The following TENM3 variants were observed in gnomAD, a reference collection of about 807,000 sequenced individuals.
TENM3 encodes the protein teneurin-3.
A neutral mutation model predicts 255.1 loss-of-function variants in TENM3; 63 were observed. That is an observed-to-expected ratio of 0.25 (90% CI 0.20 to 0.30). The LOEUF (loss-of-function observed/expected upper bound fraction) is 0.30. TENM3 is among the 10% of genes least tolerant of loss of function. The probability of loss-of-function intolerance (pLI) is 1.00; values close to 1 mark genes in which losing one functional copy is unlikely to be tolerated. For missense variants in TENM3, 2,929 were observed against 3,461.1 expected (o/e 0.85, Z 3.86); for synonymous variants, 1,306 against 1,322.3 (o/e 0.99, Z 0.27).
chr4:181,522,740 T>C, the TENM3 span: 1 of 707,780 alleles, frequency 1.4e-6, no homozygotes, highest in Non-Finnish European at 2.7e-6. Context: ...TGTTTCATTC[T>C]TCTAAGAAAA....
At chr4:181,626,395 A>C in the TENM3 span, among the ~76,000 whole-genome samples, 1 of 152,150 alleles carries the variant, frequency 6.6e-6, no homozygotes, top group African/African-American at 2.4e-5. Context: ...TTATATAAGA[A>C]AATTAGTCTA....
the TENM3 span, among the ~76,000 whole-genome samples, chr4:181,479,594 C>A: frequency 1.3e-5 from 2 of 151,884 alleles, no homozygotes; most frequent in African/African-American, 2.4e-5. Flanking sequence ...CTCTTTCAGA[C>A]AAAATTTTAA....
chr4:182,353,676 T>C (rs951623341), intron 3 of TENM3, among the ~76,000 whole-genome samples: 20 of 152,306 alleles, frequency 1.3e-4, no homozygotes, highest in Admixed American at 1.3e-3. Flanking sequence ...TAATAAGTTA[T>C]GATTTAACTG....
At chr4:182,248,922 A>G (rs574167822) in intron 1 of TENM3, among the ~76,000 whole-genome samples, 2 of 152,334 alleles carry the variant, frequency 1.3e-5, no homozygotes, top group Admixed American at 1.3e-4. Context: ...AAACCTATGA[A>G]AAAGGTGCAA....
intron 1 of TENM3, among the ~76,000 whole-genome samples, chr4:182,298,163 T>C (rs1761614100): frequency 6.6e-6 from 1 of 152,224 alleles, no homozygotes; most frequent in Admixed American, 6.5e-5. Flanking sequence ...TAATTATTTG[T>C]ATTTGATTAT....
chr4:182,349,875 C>G (rs1171984661), intron 3 of TENM3: 1 of 353,030 alleles, frequency 2.8e-6, no homozygotes, highest in Non-Finnish European at 5.6e-6. Context: ...TATTGTATCA[C>G]TAAAGGTTGA....
chr4:182,450,184 T>G (rs1580588113), intron 3 of TENM3, among the ~76,000 whole-genome samples: 1 of 152,236 alleles, frequency 6.6e-6, no homozygotes, highest in African/African-American at 2.4e-5. Flanking sequence ...CAAGCCAAGG[T>G]TTTCATTTTT....
chr4:182,376,985 A>G (rs1380592675), intron 3 of TENM3, among the ~76,000 whole-genome samples: 1 of 152,194 alleles, frequency 6.6e-6, no homozygotes, highest in African/African-American at 2.4e-5. Flanking sequence ...AATTCAGAAC[A>G]CAAAATAGCA....
the TENM3 span, among the ~76,000 whole-genome samples, chr4:181,928,908 A>G: frequency 1.3e-5 from 2 of 152,218 alleles, no homozygotes; most frequent in African/African-American, 4.8e-5. Context: ...TTCAACCCAC[A>G]ATTTCATATC....
chr4:181,800,484 T>G, the TENM3 span, among the ~76,000 whole-genome samples: 1 of 151,922 alleles, frequency 6.6e-6, no homozygotes, highest in Non-Finnish European at 1.5e-5. Context: ...GTGCAAAAAA[T>G]TAGCTGGGCA....
chr4:181,811,647 G>A, the TENM3 span, among the ~76,000 whole-genome samples: 8 of 152,184 alleles, frequency 5.3e-5, no homozygotes, highest in African/African-American at 1.7e-4. Flanking sequence ...GAGCAAAAGG[G>A]CGTCTTACAT....
At chr4:181,896,040 A>G in the TENM3 span, among the ~76,000 whole-genome samples, 10 of 152,002 alleles carry the variant, frequency 6.6e-5, no homozygotes, top group Non-Finnish European at 1.3e-4. Context: ...TGTTATTCCT[A>G]CTGTGTCTAA....
At chr4:181,758,209 C>G in the TENM3 span, among the ~76,000 whole-genome samples, 1 of 152,120 alleles carries the variant, frequency 6.6e-6, no homozygotes, top group Non-Finnish European at 1.5e-5. Flanking sequence ...ATTCATTTAC[C>G]TCCCAATGAG....
At chr4:181,486,969 G>A in the TENM3 span, among the ~76,000 whole-genome samples, 2 of 152,262 alleles carry the variant, frequency 1.3e-5, no homozygotes, top group South Asian at 2.1e-4. Context: ...AAATTTAAAT[G>A]TGACTCATTA....
chr4:182,684,721 C>A (rs745874044), intron 11 of TENM3, among the ~76,000 whole-genome samples: 3 of 152,032 alleles, frequency 2.0e-5, no homozygotes, highest in Non-Finnish European at 2.9e-5. Context: ...AATTGTAGTT[C>A]GTCATTCTTA....
chr4:181,473,009 G>C, the TENM3 span, among the ~76,000 whole-genome samples: 8 of 152,216 alleles, frequency 5.3e-5, no homozygotes, highest in South Asian at 8.3e-4. Flanking sequence ...TCTTAATCCT[G>C]CTTGTAATTG....
At chr4:181,664,491 C>CAAAA in the TENM3 span, among the ~76,000 whole-genome samples, 24 of 48,456 alleles carry the variant, frequency 5.0e-4, no homozygotes, top group Non-Finnish European at 8.0e-4. Flanking sequence ...AAAAACAAAA[C>CAAAA]AAAAAAATAG....
chr4:181,927,927 G>T, the TENM3 span, among the ~76,000 whole-genome samples: 1 of 152,186 alleles, frequency 6.6e-6, no homozygotes, highest in African/African-American at 2.4e-5. Flanking sequence ...CAGACCTGCA[G>T]CAGAGAGGCC....
chr4:182,030,899 G>A, the TENM3 span, among the ~76,000 whole-genome samples: 14 of 152,150 alleles, frequency 9.2e-5, no homozygotes, highest in Admixed American at 9.2e-4. Flanking sequence ...GTTTTAATGG[G>A]GTTGTTTGGT....
Sources: gnomAD v4.1 joint callset for allele counts (sites outside exome capture counted in the v4.1 genomes callset) on GRCh38, gnomAD v4.1.1 for gene constraint, MANE v1.5 for transcripts, NCBI Gene and HGNC (gene_info 2026-07-23, HGNC 2026-07-21) for gene names.